Variants in DYM observed in about 807,000 individuals in gnomAD.
DYM encodes dymeclin.
Under a neutral mutation model 93.1 loss-of-function variants are expected in DYM, and 78 were observed. The observed-to-expected ratio is 0.84, with a 90% CI of 0.70 to 1.01. The LOEUF (loss-of-function observed/expected upper bound fraction) is 1.01, where lower values mean the gene tolerates loss of function less well. Ranked by LOEUF, DYM falls within the 50% of genes least tolerant of loss-of-function variation. DYM has a pLI of 0.00. For synonymous variants in DYM, 321 were observed against 319.7 expected (o/e 1.00, Z -0.04); for missense variants, 789 against 845.0 (o/e 0.93, Z 0.82).
chr18:49,296,636 G>A (rs2060585033), intron 8 of DYM, among the ~76,000 whole-genome samples: 1 of 152,114 alleles, frequency 6.6e-6, no homozygotes, highest in Admixed American at 6.5e-5. Context: ...TCAATGACTA[G>A]AACTGACCAT....
chr18:49,362,792 G>A (rs1475092565), intron 6 of DYM, among the ~76,000 whole-genome samples: 1 of 152,144 alleles, frequency 6.6e-6, no homozygotes, highest in African/African-American at 2.4e-5. Context: ...ATACAATCAG[G>A]AAGTCAGGAA....
intron 15 of DYM, among the ~76,000 whole-genome samples, chr18:49,156,296 G>A (rs968576283): frequency 2.6e-5 from 4 of 152,126 alleles, no homozygotes; most frequent in Middle Eastern, 3.2e-3. Context: ...GGCCTTCCGT[G>A]AGAGGATCCA....
In DYM at chr18:49,094,311, C is replaced by T. The variant is rs76337562; in HGVS notation, c.2025+3091G>A. ...AAATTGCTCCACAGTAAGCAAAATG[C>T]GAGCCAGGAACATGCCCTGTTGTGG... On this transcript the variant is annotated intron_variant, in intron 17 of 17. Coordinates refer to ENST00000675505, the MANE Select transcript of DYM (RefSeq NM_001353214.3). 1.1e-4 allele frequency among the ~76,000 whole-genome samples: 17 copies of T among 152,246 alleles called. No individual in the cohort carries two copies. In the East Asian group the frequency reaches 2.7e-3, roughly 24 times the overall value.
At chr18:49,297,498 T>C (rs1366409204) in intron 8 of DYM, among the ~76,000 whole-genome samples, 1 of 152,204 alleles carries the variant, frequency 6.6e-6, no homozygotes, top group African/African-American at 2.4e-5. Flanking sequence ...ACATTCACTT[T>C]ATAATAATTA....
At chr18:49,195,296 T>C (rs1220531620) in intron 14 of DYM, among the ~76,000 whole-genome samples, 5 of 152,212 alleles carry the variant, frequency 3.3e-5, no homozygotes, top group Non-Finnish European at 7.3e-5. Flanking sequence ...TACATATTTA[T>C]GCGATTCAGA....
At chr18:49,276,491 T>C (rs1283172489) in intron 10 of DYM, among the ~76,000 whole-genome samples, 1 of 152,042 alleles carries the variant, frequency 6.6e-6, no homozygotes, top group Non-Finnish European at 1.5e-5. Context: ...TAAACTGAGA[T>C]CTGAAAAACT....
In DYM at chr18:49,391,638, A is replaced by G. The variant is rs2069263284; in HGVS notation, c.148T>C (p.Leu50=). 6.2e-7 allele frequency: 1 copy of G among 1,613,172 alleles called. No individual in the cohort carries two copies. Among genetic ancestry groups the G allele is most frequent in the African/African-American group, 1.3e-5 (1 of 75,026 alleles). Residue 50 remains leucine (L), a synonymous_variant, in exon 3 of 18, where the codon TTG becomes CTG. Coordinates refer to ENST00000675505, the MANE Select transcript of DYM (RefSeq NM_001353214.3). ...ATGGTTGCTTCCTCCAAGAGTTTCA[A>G]CTCACTACTGGAGAGACAGAAGAAT... ...SFPAPTSSSE[L]KLLEEATISV... is the part of the protein sequence containing the mutation.
At chr18:49,138,680 A>G (rs1178720579) in intron 15 of DYM, among the ~76,000 whole-genome samples, 3 of 151,740 alleles carry the variant, frequency 2.0e-5, no homozygotes, top group Admixed American at 2.0e-4. Flanking sequence ...ACAAATACTA[A>G]ACAGTGGCAT....
At chr18:49,257,306 T>C (rs2094409008) in intron 12 of DYM, among the ~76,000 whole-genome samples, 1 of 152,232 alleles carries the variant, frequency 6.6e-6, no homozygotes, top group Non-Finnish European at 1.5e-5. Context: ...AATGATGATG[T>C]TCCTGACAGT....
chr18:49,344,705 A>T (rs2939611), intron 6 of DYM, among the ~76,000 whole-genome samples: 2 of 144,060 alleles, frequency 1.4e-5, no homozygotes, highest in East Asian at 2.0e-4. Flanking sequence ...CCTTTTGGGG[A>T]AAAAAAAAAA....
intron 13 of DYM, among the ~76,000 whole-genome samples, chr18:49,218,047 A>G (rs1272919566): frequency 2.0e-5 from 3 of 152,194 alleles, no homozygotes; most frequent in East Asian, 3.9e-4. Context: ...TCAAAATAAA[A>G]GGATGGAGGA....
At chr18:49,090,176 C>T (rs562172656) in intron 17 of DYM, among the ~76,000 whole-genome samples, 1 of 152,290 alleles carries the variant, frequency 6.6e-6, no homozygotes, top group African/African-American at 2.4e-5. Context: ...ACTTATAAGA[C>T]TTGATCTTTG....
At chr18:49,348,691 C>A (rs2064838642) in intron 6 of DYM, among the ~76,000 whole-genome samples, 1 of 151,314 alleles carries the variant, frequency 6.6e-6, no homozygotes, top group African/African-American at 2.4e-5. Flanking sequence ...AGTGGATTAC[C>A]TGAGGTCAAG....
chr18:49,175,491 C>T (rs1051277195), intron 14 of DYM, among the ~76,000 whole-genome samples: 12 of 152,148 alleles, frequency 7.9e-5, no homozygotes, highest in Non-Finnish European at 4.4e-5. Context: ...CGTTCATTCA[C>T]ATTTAATTGC....
chr18:49,385,086 A>G (rs925019208), intron 3 of DYM, among the ~76,000 whole-genome samples: 12 of 152,128 alleles, frequency 7.9e-5, no homozygotes, highest in African/African-American at 2.7e-4. Context: ...AAGAAAAAAA[A>G]AAAGGACAAA....
intron 8 of DYM, among the ~76,000 whole-genome samples, chr18:49,330,003 T>C (rs1293664695): frequency 1.3e-5 from 2 of 152,234 alleles, no homozygotes; most frequent in African/African-American, 4.8e-5. Flanking sequence ...TCCTGGAATG[T>C]GGATTAACTT....
chr18:49,416,922 C>T (rs374157314), intron 2 of DYM, among the ~76,000 whole-genome samples: 117 of 152,262 alleles, frequency 7.7e-4, no homozygotes, highest in African/African-American at 2.6e-3. Flanking sequence ...AGAGCCCCTA[C>T]ACCCTTCAGA....
At chr18:49,156,407 C>T (rs2086439237) in intron 15 of DYM, among the ~76,000 whole-genome samples, 1 of 151,630 alleles carries the variant, frequency 6.6e-6, no homozygotes, top group African/African-American at 2.4e-5. Context: ...GGAAGACACA[C>T]TCAAACCACG....
chr18:49,431,198 A>G (rs1024211446), intron 1 of DYM, among the ~76,000 whole-genome samples: 4 of 152,252 alleles, frequency 2.6e-5, no homozygotes, highest in Admixed American at 1.3e-4. Flanking sequence ...AACCTGAATT[A>G]CCAACTTCAA....
Sources: gnomAD v4.1 joint callset for allele counts (sites outside exome capture counted in the v4.1 genomes callset) on GRCh38, gnomAD v4.1.1 for gene constraint, MANE v1.5 for transcripts, NCBI Gene and HGNC (gene_info 2026-07-23, HGNC 2026-07-21) for gene names.